MTUS1: variants seen among roughly 807,000 people sequenced by gnomAD.
MTUS1 encodes the protein microtubule-associated tumor suppressor 1.
MTUS1 carries 109 observed loss-of-function variants against 120.8 expected under a neutral mutation model. The observed-to-expected ratio is 0.90, with a 90% confidence interval of 0.77 to 1.06. MTUS1 has a LOEUF of 1.06. MTUS1 is among the 50% of genes least tolerant of loss of function. MTUS1 has a pLI of 0.00. For missense variants in MTUS1, 2,210 were observed against 1,486.3 expected, an observed-to-expected ratio of 1.49 and a Z score of -8.01; for synonymous variants, 737 against 550.5, an observed-to-expected ratio of 1.34 and a Z score of -4.74.
intron 3 of MTUS1, among the ~76,000 whole-genome samples, chr8:17,733,576 C>T (rs1208572359): frequency 6.6e-6 from 1 of 152,060 alleles, no homozygotes; most frequent in Non-Finnish European, 1.5e-5. Flanking sequence ...ACTTGATAAA[C>T]TATCCAATTT....
At chr8:17,744,794 C>A (rs992475144) in intron 2 of MTUS1, among the ~76,000 whole-genome samples, 1 of 150,674 alleles carries the variant, frequency 6.6e-6, no homozygotes. Context: ...TCTGCCGCCT[C>A]GGCCTCCCAA....
intron 3 of MTUS1, among the ~76,000 whole-genome samples, chr8:17,726,333 A>G (rs1258804549): frequency 6.6e-6 from 1 of 152,158 alleles, no homozygotes; most frequent in East Asian, 1.9e-4. Context: ...GCCGTGGACT[A>G]AGCCTTGCTT....
intron 14 of MTUS1, among the ~76,000 whole-genome samples, chr8:17,646,408 C>T (rs1001922515): frequency 1.3e-5 from 2 of 151,808 alleles, no homozygotes; most frequent in African/African-American, 2.4e-5. Context: ...GGCAACATGG[C>T]GAAACTCTGT....
At chr8:17,678,431 G>A (rs1185825119) in intron 7 of MTUS1, among the ~76,000 whole-genome samples, 6 of 97,336 alleles carry the variant, frequency 6.2e-5, no homozygotes, top group Admixed American at 2.1e-4. Context: ...TATATGAAAT[G>A]CTCAAGAAAA....
intron 1 of MTUS1, among the ~76,000 whole-genome samples, chr8:17,778,962 C>T (rs897338593): frequency 6.6e-6 from 1 of 152,116 alleles, no homozygotes; most frequent in Non-Finnish European, 1.5e-5. Flanking sequence ...AAATGCTCTG[C>T]TATGAGCTAG....
In MTUS1 at chr8:17,645,750, C is replaced by T. The variant is rs1805645533; in HGVS notation, c.*176G>A. 5.2e-6 allele frequency: 4 copies of T among 765,830 alleles called. No homozygotes were observed. The South Asian group carries it at 9.1e-5, about 17-fold the overall frequency. 47.4% of individuals were successfully genotyped at this position (765,830 alleles called of 1,614,324 possible). ...GAATCTTTTGGACGGAGGCAAAAGTCTTCCTCCAGAGTTCCAGTCTCAGAA... is the reference window on the plus strand; with the variant it reads ...GAATCTTTTGGACGGAGGCAAAAGTTTTCCTCCAGAGTTCCAGTCTCAGAA... On this transcript the variant is annotated 3_prime_UTR_variant, in exon 15 of 15. Transcript: ENST00000693296.
intron 1 of MTUS1, among the ~76,000 whole-genome samples, chr8:17,798,840 T>A (rs1024419626): frequency 1.4e-4 from 21 of 152,256 alleles, no homozygotes; most frequent in African/African-American, 4.8e-4. Flanking sequence ...TATCAATCCA[T>A]AAAAGGCTCT....
chr8:17,714,894 C>CT (rs34479493), intron 5 of MTUS1, among the ~76,000 whole-genome samples: 6,055 of 55,206 alleles, frequency 0.11, 2,204 homozygotes, highest in East Asian at 0.15. Flanking sequence ...ACAAATAATG[C>CT]TTTTTTTTTT....
At chr8:17,766,709 T>C (rs1270703758) in intron 1 of MTUS1, among the ~76,000 whole-genome samples, 1 of 152,192 alleles carries the variant, frequency 6.6e-6, no homozygotes, top group Non-Finnish European at 1.5e-5. Context: ...CCAACCCCTC[T>C]TTTATAACAG....
intron 1 of MTUS1, among the ~76,000 whole-genome samples, chr8:17,772,153 T>C (rs564893119): frequency 6.6e-6 from 1 of 152,204 alleles, no homozygotes; most frequent in Non-Finnish European, 1.5e-5. Context: ...GCATTTAGGA[T>C]AAAACTCTAA....
chr8:17,674,527 T>C, intron 8 of MTUS1: 1 of 985,562 alleles, frequency 1.0e-6, no homozygotes, highest in Non-Finnish European at 1.2e-6. Flanking sequence ...GGAACTAAAA[T>C]AACAGCGTAG....
chr8:17,752,408 C>T (rs1021123263), intron 2 of MTUS1, among the ~76,000 whole-genome samples: 1 of 152,184 alleles, frequency 6.6e-6, no homozygotes, highest in East Asian at 1.9e-4. Flanking sequence ...TAAATGATAT[C>T]GGTTTTCTAA....
At chr8:17,774,291 G>C (rs532106797) in intron 1 of MTUS1, among the ~76,000 whole-genome samples, 2 of 152,306 alleles carry the variant, frequency 1.3e-5, no homozygotes, top group African/African-American at 4.8e-5. Flanking sequence ...ACGCCAAACA[G>C]CTGAACACCA....
intron 1 of MTUS1, among the ~76,000 whole-genome samples, chr8:17,775,119 T>C (rs554013448): frequency 2.0e-5 from 3 of 151,958 alleles, no homozygotes; most frequent in Non-Finnish European, 4.4e-5. Context: ...GGAGCTATTG[T>C]TAAATGGGTA....
intron 8 of MTUS1, chr8:17,674,771 C>T (rs1812741691): frequency 2.0e-6 from 2 of 1,005,662 alleles, no homozygotes; most frequent in Non-Finnish European, 2.4e-6. Context: ...CAACTTCATA[C>T]TCACTACTCA....
intron 4 of MTUS1, among the ~76,000 whole-genome samples, chr8:17,718,039 C>G (rs1822667195): frequency 6.6e-6 from 1 of 152,214 alleles, no homozygotes; most frequent in Non-Finnish European, 1.5e-5. Flanking sequence ...TTACTAATGG[C>G]AGGCACAACC....
At chr8:17,732,348 T>C (rs2046643742) in intron 3 of MTUS1, among the ~76,000 whole-genome samples, 1 of 152,210 alleles carries the variant, frequency 6.6e-6, no homozygotes, top group Non-Finnish European at 1.5e-5. Context: ...GCCATTCTCC[T>C]GCCAACAGTA....
At chr8:17,745,227 A>C (rs979196573) in intron 2 of MTUS1, among the ~76,000 whole-genome samples, 2 of 152,212 alleles carry the variant, frequency 1.3e-5, no homozygotes, top group African/African-American at 4.8e-5. Flanking sequence ...TCGGTATCAA[A>C]AATGATTAGT....
intron 1 of MTUS1, among the ~76,000 whole-genome samples, chr8:17,784,913 T>G (rs566670363): frequency 3.3e-5 from 5 of 152,024 alleles, no homozygotes; most frequent in African/African-American, 4.8e-5. Flanking sequence ...GCTGCCTGAG[T>G]AGCTGGGATT....
Sources: gnomAD v4.1 joint callset for allele counts (sites outside exome capture counted in the v4.1 genomes callset) on GRCh38, gnomAD v4.1.1 for gene constraint, MANE v1.5 for transcripts, NCBI Gene and HGNC (gene_info 2026-07-23, HGNC 2026-07-21) for gene names.